The following USP2 variants were observed in gnomAD, a reference collection of about 807,000 sequenced individuals.
USP2 encodes the protein ubiquitin specific peptidase 2, also known as ubiquitin carboxyl-terminal hydrolase 2.
In USP2, 33 loss-of-function variants were observed where a neutral mutation model predicts 72.0. That is an observed-to-expected ratio of 0.46 (90% CI 0.35 to 0.61). The LOEUF is 0.61. Among genes scored for constraint, USP2 ranks in the 20% least tolerant of loss-of-function variants. The pLI, the probability that USP2 is intolerant of heterozygous loss-of-function variation, is 0.01. For synonymous variants in USP2, 296 were observed against 312.5 expected (o/e 0.95, Z 0.56); for missense variants, 691 against 797.8 (o/e 0.87, Z 1.61).
Position 119,381,565 on chromosome 11 carries a change from C to T in USP2, c.-134G>A, listed in dbSNP as rs965146577. 6.5e-7 allele frequency: 1 copy of T among 1,535,678 alleles called. No individual in the cohort carries two copies. The highest frequency in any genetic ancestry group is 1.7e-4 in the Middle Eastern group (1 of 5,976). On this transcript the variant is annotated 5_prime_UTR_variant, in exon 1 of 13. In the 5' UTR this introduces an upstream ATG that the reference lacks. Transcript: ENST00000260187. ...TGGCGCTGGCGCGGCGCAGTGAGCA[C>T]CAGCTGACGAAGAGGGCTCCCCGGC...
chr11:119,356,979 G>T, intron 12 of USP2, 57 bp from the exon 13 acceptor site: 1 of 1,538,924 alleles, frequency 6.5e-7, no homozygotes, highest in African/African-American at 1.4e-5. Context: ...ACCCCCCGCC[G>T]GCTTCTTTCT....
intron 1 of USP2, chr11:119,379,268 G>A (rs1386029714): frequency 1.0e-6 from 1 of 985,314 alleles, no homozygotes. Context: ...TTTCGGGCCA[G>A]TGCCAGCCAA....
Position 119,359,099 on chromosome 11 carries a change from A to G in USP2, c.1097T>C (p.Leu366Pro). 6.2e-7 allele frequency: 1 copy of G among 1,614,114 alleles called. No homozygotes were observed. The highest frequency in any genetic ancestry group is 8.5e-7 in the Non-Finnish European group (1 of 1,180,038). The change falls in exon 6 of 13, where the codon CTG (leucine) becomes CCG (proline). Residue 366 changes from leucine (L) to proline (P), a missense_variant. Physicochemically the swap from Leu to Pro is moderately conservative, Grantham distance 98. Transcript: ENST00000260187. ...QDAQEFLRFL[L>P]DGLHNEVNRV... ...GTTCACCTCGTTATGGAGCCCATCCAGAAGAAAGCGAAGGAACTCCTGAGC... is the reference window on the plus strand; with the variant it reads ...GTTCACCTCGTTATGGAGCCCATCCGGAAGAAAGCGAAGGAACTCCTGAGC...
Position 119,381,614 on chromosome 11 carries a change from C to G in USP2, c.-183G>C. 1.4e-6 allele frequency: 2 copies of G among 1,472,786 alleles called. No homozygotes were observed. The highest frequency in any genetic ancestry group is 2.5e-5 in the East Asian group (1 of 40,510). 91.2% of individuals were successfully genotyped at this position (1,472,786 alleles called of 1,614,324 possible). On this transcript the variant is annotated 5_prime_UTR_variant, in exon 1 of 13. Transcript: ENST00000260187. ...GCCTCGGCTCCTGCCTGACTCTCTC[C>G]CACCTCCGCCGGGGGCCCAGAAGGG...
At chr11:119,364,295 C>G (rs1399802406) in intron 2 of USP2, 1 of 598,536 alleles carries the variant, frequency 1.7e-6, no homozygotes, top group Admixed American at 6.2e-5. Context: ...GCCTCTACCC[C>G]GCCCCCGGCG....
chr11:119,357,411 C>G (rs770100677), intron 11 of USP2, 72 bp downstream of exon 11: 39 of 1,609,942 alleles, frequency 2.4e-5, no homozygotes, highest in Non-Finnish European at 3.3e-5. Flanking sequence ...GGCAGCTCCC[C>G]TTCCTCCTGC....
At chr11:119,364,141 C>A (rs1950813602) in intron 2 of USP2, 1 of 1,217,342 alleles carries the variant, frequency 8.2e-7, no homozygotes, top group African/African-American at 1.6e-5. Flanking sequence ...ACGCGCGCTC[C>A]TCCGCCTCAA....
chr11:119,378,768 AC>A (rs1376745450), intron 1 of USP2, among the ~76,000 whole-genome samples: 1 of 151,876 alleles, frequency 6.6e-6, no homozygotes, highest in Non-Finnish European at 1.5e-5. Flanking sequence ...TTTTCCAAGC[AC>A]CTCTGCCCAG....
chr11:119,381,374 C>T, intron 1 of USP2, 99 bp downstream of exon 1: 2 of 1,277,272 alleles, frequency 1.6e-6, no homozygotes, highest in Non-Finnish European at 2.2e-6. Flanking sequence ...TTCTAGTGTC[C>T]ACTCTGCCCA....
intron 4 of USP2, 60 bp from the exon 5 acceptor site, chr11:119,359,402 C>G: frequency 6.3e-7 from 1 of 1,585,524 alleles, no homozygotes; most frequent in Non-Finnish European, 8.6e-7. Context: ...AACTCTGAAA[C>G]TAGAATCCCA....
intron 7 of USP2, 25 bp from the exon 8 acceptor site, chr11:119,358,277 G>A (rs1201319740): frequency 1.2e-6 from 2 of 1,601,592 alleles, no homozygotes; most frequent in African/African-American, 2.7e-5. Flanking sequence ...GCCATGAGAT[G>A]CTGAAATACA....
At chr11:119,381,294 A>G (rs1051107964) in intron 1 of USP2, among the ~76,000 whole-genome samples, 179 bp downstream of exon 1, 1 of 152,170 alleles carries the variant, frequency 6.6e-6, no homozygotes, top group East Asian at 1.9e-4. Context: ...CTGGGCTGTC[A>G]GCAGGCAGCC....
chr11:119,360,597 G>A (rs1369087583), intron 2 of USP2, among the ~76,000 whole-genome samples: 10 of 151,946 alleles, frequency 6.6e-5, no homozygotes, highest in Admixed American at 6.6e-4. Context: ...CTAATTTTTT[G>A]TATTTTTAGT....
At chr11:119,376,288 C>T (rs1049821441) in intron 1 of USP2, 7 of 985,564 alleles carry the variant, frequency 7.1e-6, no homozygotes, top group Admixed American at 1.2e-4. Flanking sequence ...GGGGCCCTGG[C>T]CGGAGTCTCG....
chr11:119,363,795 G>T, intron 2 of USP2: 1 of 1,322,056 alleles, frequency 7.6e-7, no homozygotes, highest in Non-Finnish European at 9.8e-7. Context: ...AGGCCAGGGA[G>T]AAGGCGGGAC....
At chr11:119,357,681 T>C in intron 10 of USP2, 76 bp downstream of exon 10, 1 of 1,613,356 alleles carries the variant, frequency 6.2e-7, no homozygotes, top group Non-Finnish European at 8.5e-7. Context: ...TTCCGACTGT[T>C]CCCCTCACCT....
At chr11:119,359,836 C>T (rs1005726229) in intron 3 of USP2, among the ~76,000 whole-genome samples, 176 bp from the exon 4 acceptor site, 1 of 152,192 alleles carries the variant, frequency 6.6e-6, no homozygotes, top group African/African-American at 2.4e-5. Flanking sequence ...GGCAAACCCC[C>T]ACTCCAGGCA....
At chr11:119,364,720 G>A (rs923048916) in intron 2 of USP2, among the ~76,000 whole-genome samples, 26 of 152,078 alleles carry the variant, frequency 1.7e-4, no homozygotes, top group Non-Finnish European at 3.8e-4. Context: ...AGGTCAATGT[G>A]CCCAGGTTAA....
chr11:119,358,977 G>A (rs764976766), intron 6 of USP2, 47 bp downstream of exon 6: 17 of 1,600,280 alleles, frequency 1.1e-5, no homozygotes, highest in Middle Eastern at 1.6e-4. Flanking sequence ...TAAAAATCTC[G>A]AGTTCACAAA....
Sources: gnomAD v4.1 joint callset for allele counts (sites outside exome capture counted in the v4.1 genomes callset) on GRCh38, gnomAD v4.1.1 for gene constraint, MANE v1.5 for transcripts, NCBI Gene and HGNC (gene_info 2026-07-23, HGNC 2026-07-21) for gene names.